Variants in LINC00305 observed in about 807,000 individuals in gnomAD.
The protein encoded by LINC00305 is long independently transcribed non-coding RNA 305.
At chr18:64,147,498 T>G (rs1173692484) in intron 1 of LINC00305, 1 of 152,190 alleles carries the variant, frequency 6.6e-6, no homozygotes, top group African/African-American at 2.4e-5. Flanking sequence ...GACTCAAAAT[T>G]TACTGATTTG....
At chr18:64,088,791 C>A (rs1489937919) in intron 3 of LINC00305, among the ~76,000 whole-genome samples, 1 of 152,134 alleles carries the variant, frequency 6.6e-6, no homozygotes, top group East Asian at 1.9e-4. Flanking sequence ...AAGACCTCAT[C>A]AGGAGAACAG....
chr18:64,099,361 AC>A (rs2051259363), intron 1 of LINC00305, among the ~76,000 whole-genome samples: 2 of 152,188 alleles, frequency 1.3e-5, no homozygotes. Context: ...TGAATGAGGC[AC>A]AATCGTAGAA....
chr18:64,119,605 C>T (rs1461926452), intron 1 of LINC00305, among the ~76,000 whole-genome samples: 1 of 152,036 alleles, frequency 6.6e-6, no homozygotes. Context: ...TAAAATTTGT[C>T]AACAATGCTT....
chr18:64,105,609 A>G (rs895132190), intron 1 of LINC00305, among the ~76,000 whole-genome samples: 9 of 152,160 alleles, frequency 5.9e-5, no homozygotes, highest in Non-Finnish European at 4.4e-5. Context: ...TGTAGAGTAC[A>G]TGTGTTCAAA....
At chr18:64,114,405 G>A (rs1321853502) in intron 1 of LINC00305, among the ~76,000 whole-genome samples, 10 of 152,210 alleles carry the variant, frequency 6.6e-5, no homozygotes, top group Non-Finnish European at 1.2e-4. Context: ...ATTGCTGAAT[G>A]GGACTAAATG....
At chr18:64,082,116 G>GA (rs1944810699) in intron 3 of LINC00305, among the ~76,000 whole-genome samples, 1 of 152,098 alleles carries the variant, frequency 6.6e-6, no homozygotes, top group African/African-American at 2.4e-5. Flanking sequence ...TATGGTTTAG[G>GA]AGTCATACAG....
At chr18:64,116,416 C>T (rs1461788230) in intron 1 of LINC00305, among the ~76,000 whole-genome samples, 3 of 152,120 alleles carry the variant, frequency 2.0e-5, no homozygotes, top group Non-Finnish European at 4.4e-5. Context: ...AAACTATACT[C>T]CTATATAAAC....
At chr18:64,088,604 C>T (rs1173932646) in intron 3 of LINC00305, among the ~76,000 whole-genome samples, 2 of 152,182 alleles carry the variant, frequency 1.3e-5, no homozygotes, top group Non-Finnish European at 2.9e-5. Context: ...GTCTAAAATA[C>T]CATATTGTAA....
chr18:64,101,623 T>G (rs1403794794), intron 1 of LINC00305, among the ~76,000 whole-genome samples: 1 of 152,194 alleles, frequency 6.6e-6, no homozygotes, highest in Admixed American at 6.5e-5. Flanking sequence ...CACGATGACT[T>G]CATTTTAACA....
chr18:64,098,501 G>A (rs2051255643), intron 2 of LINC00305: 1 of 421,172 alleles, frequency 2.4e-6, no homozygotes. Flanking sequence ...AACAAATTAT[G>A]AGAAACTCTA....
intron 1 of LINC00305, among the ~76,000 whole-genome samples, chr18:64,132,823 C>T (rs1239603858): frequency 6.6e-6 from 1 of 152,116 alleles, no homozygotes; most frequent in Non-Finnish European, 1.5e-5. Flanking sequence ...GTGTCATGCC[C>T]AGGAAGTGCT....
At position 64,094,856 on chromosome 18, in the gene LINC00305, A is replaced by AAATAAATAAATAAATAAATAAAT. The variant is rs1568105312; in HGVS notation, n.540+2977_540+2978insATTTATTTATTTATTTATTTATT. On this transcript the variant is annotated intron_variant and non_coding_transcript_variant, in intron 3 of 3. Transcript: ENST00000666468. ...GGGACAGAGCAAGACTTCATCTCAA[A>AAATAAATAAATAAATAAATAAAT]AAATAAATAAATAAATAAATAAATA... Among the ~76,000 whole-genome samples, 51 of 120,840 alleles carry AAATAAATAAATAAATAAATAAAT rather than the reference A, an allele frequency of 4.2e-4. 1 individual carries two copies. Among genetic ancestry groups the AAATAAATAAATAAATAAATAAAT allele is most frequent in the African/African-American group, 1.4e-3 (51 of 37,574 alleles). The allele number at this position is 120,840 out of a possible 152,430, so 79.3% of individuals were successfully genotyped here.
chr18:64,103,163 A>C (rs1201393436), intron 1 of LINC00305, among the ~76,000 whole-genome samples: 1 of 152,188 alleles, frequency 6.6e-6, no homozygotes, highest in Non-Finnish European at 1.5e-5. Flanking sequence ...ACAAACAGAA[A>C]CTTAAAATTG....
At chr18:64,114,958 G>A (rs1599218557) in intron 1 of LINC00305, among the ~76,000 whole-genome samples, 1 of 152,296 alleles carries the variant, frequency 6.6e-6, no homozygotes, top group African/African-American at 2.4e-5. Flanking sequence ...CTTTCTGAGA[G>A]CTTCTACACA....
chr18:64,087,937 A>AC (rs1441888024), intron 3 of LINC00305, among the ~76,000 whole-genome samples: 2 of 151,714 alleles, frequency 1.3e-5, no homozygotes, highest in Non-Finnish European at 2.9e-5. Flanking sequence ...CAAAACTACA[A>AC]AAAAAAACAA....
At chr18:64,137,927 C>T (rs1438609718) in intron 1 of LINC00305, among the ~76,000 whole-genome samples, 1 of 151,792 alleles carries the variant, frequency 6.6e-6, no homozygotes, top group Non-Finnish European at 1.5e-5. Context: ...AGGAACTAAA[C>T]TCCTTAAAGT....
exon 3 of LINC00305, chr18:64,097,945 T>C (rs765666555): frequency 2.2e-6 from 1 of 457,860 alleles, no homozygotes; most frequent in African/African-American, 2.0e-5. Context: ...TGCTGACCAG[T>C]TTCCATCTCC....
intron 1 of LINC00305, among the ~76,000 whole-genome samples, chr18:64,136,127 A>C (rs1177353172): frequency 6.6e-6 from 1 of 152,174 alleles, no homozygotes; most frequent in African/African-American, 2.4e-5. Context: ...ATGGTGTTTT[A>C]GGAGGTAGGC....
chr18:64,141,110 G>T (rs2051460988), intron 1 of LINC00305, among the ~76,000 whole-genome samples: 1 of 148,572 alleles, frequency 6.7e-6, no homozygotes, highest in East Asian at 2.0e-4. Context: ...GAAGAGTGCA[G>T]CCTGTGGACA....
Sources: allele counts gnomAD v4.1 joint callset (sites outside exome capture counted in the v4.1 genomes callset), GRCh38; gene constraint gnomAD v4.1.1; transcripts MANE v1.5; gene names NCBI Gene and HGNC (gene_info 2026-07-23, HGNC 2026-07-21).